Variants in CPB2 observed in about 807,000 individuals in gnomAD.
The protein encoded by CPB2 is carboxypeptidase B-like protein.
CPB2 carries 54 observed loss-of-function variants against 57.0 expected under a neutral mutation model. The observed-to-expected ratio is 0.95, with a 90% CI of 0.76 to 1.19. The LOEUF (loss-of-function observed/expected upper bound fraction) is 1.19. Among genes scored for constraint, CPB2 ranks in the 50% most tolerant of loss-of-function variants. The pLI is 0.00. For missense variants in CPB2, 426 were observed against 512.0 expected (o/e 0.83, Z 1.62); for synonymous variants, 189 against 178.1 (o/e 1.06, Z -0.49).
chr13:46,084,430 C>T, intron 2 of CPB2, 87 bp from the exon 3 acceptor site: 1 of 1,453,110 alleles, frequency 6.9e-7, no homozygotes, highest in Non-Finnish European at 9.4e-7. Flanking sequence ...ACAGTTTTAT[C>T]TATAAGGAGT....
rs201387014 is a variant in CPB2 at position 46,104,947 on chromosome 13, G to T, written c.63C>A (p.Phe21Leu). The T allele has an allele frequency of 6.2e-7, 1 of 1,613,946 alleles. No homozygotes were observed. The highest frequency in any genetic ancestry group is 8.5e-7 in the Non-Finnish European group (1 of 1,179,890). The change falls in exon 1 of 11, where the codon TTC (phenylalanine) becomes TTA (leucine). Residue 21 changes from phenylalanine (F) to leucine (L), a missense_variant. Phe to Leu is a conservative substitution (Grantham distance 22). Coordinates refer to ENST00000181383, the MANE Select transcript of CPB2 (RefSeq NM_001872.5). ...TTCTATTGGGTTACCTCTGAAACGC[G>T]AAGACATGCTGCTCACAGAAGAGAA... ...PIVLFCEQHV[F>L]AFQSGQVLAA...
chr13:46,078,221 A>G (rs551392932), intron 5 of CPB2, among the ~76,000 whole-genome samples: 1 of 152,196 alleles, frequency 6.6e-6, no homozygotes, highest in East Asian at 1.9e-4. Flanking sequence ...TTATGTATCA[A>G]TTTTTAAAAA....
chr13:46,058,170 AGC>A lies in CPB2; in HGVS notation c.999+7_999+8del, dbSNP rs1393833266. On this transcript the variant is annotated splice_region_variant and intron_variant, in intron 9 of 10. Coordinates refer to ENST00000181383, the MANE Select transcript of CPB2 (RefSeq NM_001872.5). ...ATGCTAATGAGAAAAATAATTAAGT[AGC>A]ACTTACCAGTTCCTCATGGTCTTTG... The A allele has an allele frequency of 1.3e-6, 2 of 1,599,926 alleles. No individual in the cohort carries two copies. The highest frequency in any genetic ancestry group is 2.7e-5 in the African/African-American group (2 of 74,472).
At chr13:46,104,889 C>A in intron 1 of CPB2, 47 bp downstream of exon 1, 1 of 1,611,536 alleles carries the variant, frequency 6.2e-7, no homozygotes, top group Non-Finnish European at 8.5e-7. Context: ...ATGAGGCAAA[C>A]AAGTGAGGAG....
In CPB2 at chr13:46,078,787, C is replaced by T. The variant is rs759178736; in HGVS notation, c.486+13G>A. 1 of 1,536,000 alleles carries T rather than the reference C, an allele frequency of 6.5e-7. No individual in the cohort carries two copies. The highest frequency in any genetic ancestry group is 2.2e-5 in the East Asian group (1 of 44,478). On this transcript the variant is annotated intron_variant, in intron 5 of 10. Transcript: ENST00000181383. ...CTCACAGTGAAAGATCAACAACTTT[C>T]CCCACAACATACCTTTAAAACATAG...
chr13:46,053,618 A>C lies in CPB2; in HGVS notation c.1268T>G (p.Val423Gly). The C allele has an allele frequency of 6.2e-7, 1 of 1,612,946 alleles. No individual in the cohort carries two copies. The highest frequency in any genetic ancestry group is 8.5e-7 in the Non-Finnish European group (1 of 1,179,210). The change falls in exon 11 of 11, where the codon GTT (valine) becomes GGT (glycine). Residue 423 changes from valine to glycine, a missense_variant. Physicochemically the swap from Val to Gly is moderately radical, Grantham distance 109 (BLOSUM62 -3). Transcript: ENST00000181383. ...AGAATGATAAAATCAGGGGCATTAAACATTCCTAATGACATGCCAAGCTAT... is the reference window on the plus strand; with the variant it reads ...AGAATGATAAAATCAGGGGCATTAACCATTCCTAATGACATGCCAAGCTAT... Reference protein sequence around the residue: ...SKIAWHVIRNV With the variant: ...SKIAWHVIRNG
intron 7 of CPB2, among the ~76,000 whole-genome samples, chr13:46,065,226 T>A (rs1377488265): frequency 6.6e-5 from 10 of 152,242 alleles, no homozygotes; most frequent in Admixed American, 2.6e-4. Context: ...TGAAGACACC[T>A]TTAATCTGAT....
At chr13:46,056,439 C>G (rs1365532942) in intron 9 of CPB2, among the ~76,000 whole-genome samples, 1 of 152,146 alleles carries the variant, frequency 6.6e-6, no homozygotes, top group African/African-American at 2.4e-5. Flanking sequence ...TTTGTCAAAT[C>G]TATTCTGAAG....
chr13:46,092,273 A>T (rs1374008031), intron 1 of CPB2, among the ~76,000 whole-genome samples: 1 of 152,192 alleles, frequency 6.6e-6, no homozygotes, highest in African/African-American at 2.4e-5. Context: ...ACTAAATGCA[A>T]CATGGTGTTC....
chr13:46,077,885 G>A (rs978749225), intron 5 of CPB2, among the ~76,000 whole-genome samples: 5 of 151,886 alleles, frequency 3.3e-5, no homozygotes, highest in Admixed American at 2.6e-4. Context: ...AGTGGAAAAC[G>A]TTGATCTCAT....
chr13:46,072,370 G>C (rs2044955755), intron 6 of CPB2, among the ~76,000 whole-genome samples: 1 of 152,092 alleles, frequency 6.6e-6, no homozygotes, highest in South Asian at 2.1e-4. Context: ...GTGCTTTGAA[G>C]TACTAAGAGA....
Position 46,064,699 on chromosome 13 carries a change from G to A in CPB2, c.745C>T (p.His249Tyr). 6.2e-7 allele frequency: 1 copy of A among 1,614,118 alleles called. No individual in the cohort carries two copies. The highest frequency in any genetic ancestry group is 8.5e-7 in the Non-Finnish European group (1 of 1,179,984). The change falls in exon 8 of 11, where the codon CAT (histidine) becomes TAT (tyrosine). Residue 249 changes from histidine to tyrosine, a missense_variant. Coordinates refer to ENST00000181383, the MANE Select transcript of CPB2 (RefSeq NM_001872.5). ...CTATTCAGGTCTGTTCCGATGCAAT[G>A]ATTGTTCGCATAGAAAGAACGGTTC... is the stretch of plus-strand genomic sequence containing the variant. ...RKNRSFYANN[H>Y]CIGTDLNRNF...
At chr13:46,068,925 A>G (rs1263671956) in intron 6 of CPB2, among the ~76,000 whole-genome samples, 1 of 152,240 alleles carries the variant, frequency 6.6e-6, no homozygotes, top group South Asian at 2.1e-4. Context: ...ATCACTTTTC[A>G]GTAATAATGT....
intron 6 of CPB2, among the ~76,000 whole-genome samples, chr13:46,068,036 A>G (rs1227466093): frequency 6.6e-6 from 1 of 152,240 alleles, no homozygotes; most frequent in Non-Finnish European, 1.5e-5. Context: ...ATCCAATGGC[A>G]TCCAAATTTG....
chr13:46,084,495 C>T, intron 2 of CPB2, 152 bp from the exon 3 acceptor site: 1 of 720,242 alleles, frequency 1.4e-6, no homozygotes, highest in Non-Finnish European at 2.1e-6. Context: ...GTAATATAAA[C>T]ATTTATTTTG....
chr13:46,086,007 G>A (rs1161152664), intron 2 of CPB2, among the ~76,000 whole-genome samples: 1 of 152,116 alleles, frequency 6.6e-6, no homozygotes, highest in African/African-American at 2.4e-5. Context: ...TGCTGGCTGC[G>A]GCAGGGTGGG....
intron 1 of CPB2, 128 bp from the exon 2 acceptor site, chr13:46,087,948 A>T: frequency 1.7e-6 from 1 of 605,448 alleles, no homozygotes; most frequent in Non-Finnish European, 2.9e-6. Context: ...AGGACAGAGG[A>T]TCTTACTACA....
chr13:46,072,077 C>G (rs2139372793), intron 6 of CPB2, among the ~76,000 whole-genome samples: 1 of 152,296 alleles, frequency 6.6e-6, no homozygotes, highest in South Asian at 2.1e-4. Context: ...GGTCTCAGCT[C>G]TGCCTTTGCG....
intron 4 of CPB2, among the ~76,000 whole-genome samples, chr13:46,079,551 A>AAAAAAAAAAAAAAAAAAAAAAAG (rs2045078862): frequency 2.0e-4 from 25 of 124,690 alleles, no homozygotes; most frequent in Non-Finnish European, 2.6e-4. Flanking sequence ...AAAAAAAAAA[A>AAAAAAAAAAAAAAAAAAAAAAAG]AAAAGAAAAG....
Sources: gnomAD v4.1 joint callset for allele counts (sites outside exome capture counted in the v4.1 genomes callset) on GRCh38, gnomAD v4.1.1 for gene constraint, MANE v1.5 for transcripts, NCBI Gene and HGNC (gene_info 2026-07-23, HGNC 2026-07-21) for gene names.